TNXB: variants seen among roughly 807,000 people sequenced by gnomAD.
TNXB encodes tenascin-X.
In TNXB, 183 loss-of-function variants were observed where a neutral mutation model predicts 340.5. That is an observed-to-expected ratio of 0.54 (90% CI 0.48 to 0.61). The LOEUF (loss-of-function observed/expected upper bound fraction) is 0.61, where lower values mean the gene tolerates loss of function less well. TNXB is among the 20% of genes least tolerant of loss of function. TNXB has a pLI of 0.00. For synonymous variants in TNXB, 2,121 were observed against 2,314.5 expected (o/e 0.92, Z 2.40); for missense variants, 4,613 against 5,446.4 (o/e 0.85, Z 4.82).
At chr6:32,056,254 T>C (rs1403489781) in intron 23 of TNXB, 80 bp from the exon 24 acceptor site, 4 of 1,486,156 alleles carry the variant, frequency 2.7e-6, no homozygotes, top group East Asian at 2.3e-5. Flanking sequence ...GGAGAAACCA[T>C]GGCCACTACT....
In TNXB at chr6:32,050,030, C is replaced by T. The variant is rs773333813; in HGVS notation, c.9407G>A (p.Arg3136His). 2.6e-5 allele frequency: 42 copies of T among 1,613,840 alleles called. No homozygotes were observed. The highest frequency in any genetic ancestry group is 4.5e-5 in the East Asian group (2 of 44,884). ...CCCAATGGCAGACACAGGGCCTACG[C>T]GCTGGCCACCGTGGAAGCCGTACAG... ...MNLYGFHGGQ[R>H]VGPVSAIGVT... Residue 3136 changes from arginine to histidine, a missense_variant, in exon 27 of 44, where the codon CGC (arginine) becomes CAC (histidine). Arg to His is a conservative substitution (Grantham distance 29). Around this residue, in one of 7 missense-constraint regions of TNXB, gnomAD observed 4,327 missense variants for 4,859.4 expected, o/e 0.89. Transcript: ENST00000644971.
rs2151923227 is a variant in TNXB, at chr6:32,075,556, C to T, written c.4376-1604G>A. ...AGGCCCTTGCTGTCTCCCTACTAGG[C>T]TCTGCTTTTCCCCACCACTCATCAC... On this transcript the variant is annotated intron_variant, in intron 11 of 43. Coordinates refer to ENST00000644971, the MANE Select transcript of TNXB (RefSeq NM_001365276.2). This position sits in a 1 kb window ranked among gnomAD's most constrained non-coding sequence, Gnocchi z 4.6. Among the ~76,000 whole-genome samples the T allele has an allele frequency of 6.6e-6, 1 of 152,342 alleles. No homozygotes were observed. The highest frequency in any genetic ancestry group is 2.1e-4 in the South Asian group (1 of 4,830).
chr6:32,056,463 C>A (rs1312927075), intron 23 of TNXB, 123 bp downstream of exon 23: 46 of 1,477,800 alleles, frequency 3.1e-5, no homozygotes, highest in Non-Finnish European at 3.7e-5. Flanking sequence ...AAGGGGAGCC[C>A]CAGCCACAAG....
chr6:32,079,171 G>A lies in TNXB; in HGVS notation c.4237C>T (p.Pro1413Ser). ...TTGCCCCCAACACGCACCGCCCGGG[G>A]CCGCCCATCCCTGTCCTTGTACTGC... ...TVQYKDRDGR[P>S]RAVRVGGKES... The change falls in exon 11 of 44, where the codon CCC (proline) becomes TCC (serine). Residue 1413 changes from proline to serine, a missense_variant. Pro to Ser is a moderately conservative substitution (Grantham distance 74). This residue lies in a region of TNXB where 4,327 missense variants were observed against 4,859.4 expected (regional missense o/e 0.89). Coordinates refer to ENST00000644971, the MANE Select transcript of TNXB (RefSeq NM_001365276.2). The surrounding 1 kb of genome is among the most constrained non-coding windows in gnomAD (Gnocchi z 7.1). The A allele has an allele frequency of 6.2e-7, 1 of 1,613,842 alleles. No homozygotes were observed. The highest frequency in any genetic ancestry group is 8.5e-7 in the Non-Finnish European group (1 of 1,179,876).
In TNXB at chr6:32,075,720, A is replaced by G. The variant is rs1779045806; in HGVS notation, c.4376-1768T>C. Among the ~76,000 whole-genome samples, 1 of 152,196 alleles carries G rather than the reference A, an allele frequency of 6.6e-6. No individual in the cohort carries two copies. Among genetic ancestry groups the G allele is most frequent in the African/African-American group, 2.4e-5 (1 of 41,436 alleles). On this transcript the variant is annotated intron_variant, in intron 11 of 43. Transcript: ENST00000644971. This position sits in a 1 kb window ranked among gnomAD's most constrained non-coding sequence, Gnocchi z 4.6. ...CTGGCACACAGTAGGTGCTCCACAG[A>G]TGTCTGTAAAATAATGAGTGGTCTA...
At position 32,089,080 on chromosome 6, in the gene TNXB, G is replaced by T. The variant is rs763523318; in HGVS notation, c.2516-32C>A. ...AGGTTAAAGAGGAGGACTCAGGTGG[G>T]TGTCTGGTTCTTCAATCATCATCTT... On this transcript the variant is annotated intron_variant, in intron 5 of 43. Coordinates refer to ENST00000644971, the MANE Select transcript of TNXB (RefSeq NM_001365276.2). The surrounding 1 kb of genome is among the most constrained non-coding windows in gnomAD (Gnocchi z 6.2). 24 of 1,598,926 alleles carry T rather than the reference G, an allele frequency of 1.5e-5. No homozygotes were observed. The highest frequency in any genetic ancestry group is 2.0e-5 in the Non-Finnish European group (24 of 1,171,204).
chr6:32,081,418 C>A lies in TNXB; in HGVS notation c.3992G>T (p.Gly1331Val). The A allele has an allele frequency of 6.4e-7, 1 of 1,557,030 alleles. No individual in the cohort carries two copies. The change falls in exon 10 of 44, where the codon GGG becomes GTG. Residue 1331 changes from glycine to valine, a missense_variant. Gly to Val is a moderately radical substitution (Grantham distance 109, BLOSUM62 -3). Transcript: ENST00000644971. This position sits in a 1 kb window ranked among gnomAD's most constrained non-coding sequence, Gnocchi z 5.1. ...CCCCACACGCTGCCTGCCACGAAGC[C>A]CGTAGAGGTTCATCTTATACTTCCG... ...PDRKYKMNLY[G>V]LRGRQRVGPE...
At chr6:32,088,456 A>G (rs1301409061) in intron 6 of TNXB, among the ~76,000 whole-genome samples, 3 of 152,214 alleles carry the variant, frequency 2.0e-5, no homozygotes, top group Non-Finnish European at 4.4e-5. Flanking sequence ...AAGATCTATC[A>G]GCACAAGGCC....
chr6:32,049,216 C>T lies in TNXB; in HGVS notation c.9757+54G>A. On this transcript the variant is annotated intron_variant, in intron 28 of 43. Coordinates refer to ENST00000644971, the MANE Select transcript of TNXB (RefSeq NM_001365276.2). This position sits in a 1 kb window ranked among gnomAD's most constrained non-coding sequence, Gnocchi z 4.5. ...GAGGTGCCAAGATCCAAAGGAGAAA[C>T]ACAAGGGGGCTGCAGAGGTAAACCT... is the stretch of plus-strand genomic sequence containing the variant. The T allele has an allele frequency of 1.3e-6, 2 of 1,558,074 alleles. No homozygotes were observed. Among genetic ancestry groups the T allele is most frequent in the South Asian group, 2.4e-5 (2 of 85,000 alleles).
chr6:32,108,316 C>T lies in TNXB; in HGVS notation c.-9+865G>A, dbSNP rs1237139992. Among the ~76,000 whole-genome samples the T allele has an allele frequency of 3.3e-5, 5 of 152,152 alleles. No individual in the cohort carries two copies. The highest frequency in any genetic ancestry group is 2.0e-4 in the Admixed American group (3 of 15,280). ...TTCTTTCCAGGCGAGATAAGGGGCC[C>T]GCCCTTCCCACCCGGGGCGTGTCAC... On this transcript the variant is annotated intron_variant, in intron 1 of 43. Coordinates refer to ENST00000644971, the MANE Select transcript of TNXB (RefSeq NM_001365276.2). This position sits in a 1 kb window ranked among gnomAD's most constrained non-coding sequence, Gnocchi z 4.8.
chr6:32,067,227 G>C lies in TNXB; in HGVS notation c.6544+434C>G, dbSNP rs1350898540. Reference sequence around the variant, plus strand: ...TAGTGGAGGAAGTGGGTGGGGCAGAGATGAGCCAGACTGGCCAGAAGTCGA... The same window carrying C: ...TAGTGGAGGAAGTGGGTGGGGCAGACATGAGCCAGACTGGCCAGAAGTCGA... On this transcript the variant is annotated intron_variant, in intron 18 of 43. Transcript: ENST00000644971. The surrounding 1 kb of genome is among the most constrained non-coding windows in gnomAD (Gnocchi z 4.2). 6.6e-6 allele frequency among the ~76,000 whole-genome samples: 1 copy of C among 152,144 alleles called. No homozygotes were observed. The highest frequency in any genetic ancestry group is 2.4e-5 in the African/African-American group (1 of 41,436).
chr6:32,048,083 A>G (rs1299649139), intron 29 of TNXB, 71 bp from the exon 30 acceptor site: 2 of 1,533,172 alleles, frequency 1.3e-6, no homozygotes, highest in African/African-American at 2.7e-5. Context: ...CTGGGCTGCT[A>G]TGGCTCTGTG....
At chr6:32,050,573 T>C (rs1176511107) in intron 26 of TNXB, among the ~76,000 whole-genome samples, 1 of 146,670 alleles carries the variant, frequency 6.8e-6, no homozygotes, top group Non-Finnish European at 1.5e-5. Context: ...ACCGCCTCTC[T>C]TTTGAGCACA....
rs185461070 is a variant in TNXB at position 32,089,353 on chromosome 6, T to C, written c.2385A>G (p.Thr795=). The change falls in exon 5 of 44, where the codon ACA becomes ACG. Residue 795 remains threonine (T), a synonymous_variant. Coordinates refer to ENST00000644971, the MANE Select transcript of TNXB (RefSeq NM_001365276.2). The surrounding 1 kb of genome is among the most constrained non-coding windows in gnomAD (Gnocchi z 6.2). ...CTGAGGCAGAGCTTGGAACCCGTGC[T>C]GTGAATGGGGGGCTCGCCCCCTCTG... is the stretch of plus-strand genomic sequence containing the variant. The part of the protein sequence containing the change: ...PTTEGASPPF[T]ARVPSSASAY... 889 of 1,608,150 alleles carry C rather than the reference T, an allele frequency of 5.5e-4. 5 individuals are homozygous for C. In the African/African-American group the frequency reaches 9.6e-3, roughly 17 times the overall value.
rs557517383 is a variant in TNXB at position 32,068,866 on chromosome 6, C to T, written c.5858G>A (p.Ser1953Asn). 2 of 1,612,080 alleles carry T rather than the reference C, an allele frequency of 1.2e-6. No individual in the cohort carries two copies. The highest frequency in any genetic ancestry group is 1.7e-6 in the Non-Finnish European group (2 of 1,179,142). ...GACAGGACCTACATGCTTCCCATCA[C>T]TGAAACCATACAGGGTCACCAGGTA... ...HRYLVTLYGFSDGKHVGPVHV... is the reference protein window; with the variant it reads ...HRYLVTLYGFNDGKHVGPVHV... Residue 1953 changes from serine (S) to asparagine (N), a missense_variant, in exon 16 of 44, where the codon AGT (serine) becomes AAT (asparagine). Physicochemically the swap from Ser to Asn is conservative, Grantham distance 46 (BLOSUM62 1). This residue lies in a region of TNXB where 4,327 missense variants were observed against 4,859.4 expected (regional missense o/e 0.89). Transcript: ENST00000644971. This position sits in a 1 kb window ranked among gnomAD's most constrained non-coding sequence, Gnocchi z 5.3.
At chr6:32,098,973 T>G (rs1267668648) in intron 1 of TNXB, among the ~76,000 whole-genome samples, 1 of 152,234 alleles carries the variant, frequency 6.6e-6, no homozygotes, top group Non-Finnish European at 1.5e-5. Flanking sequence ...CTGTTCTTCA[T>G]GGCATTTACT....
At position 32,096,959 on chromosome 6, in the gene TNXB, G is replaced by A. The variant is rs1780435511; in HGVS notation, c.894C>T (p.Asn298=). Reference sequence around the variant, plus strand: ...CACAGTCCTCGCCAGTGTAGCCGGGGTTACACACGCAGCGCCCATTCTCAC... The same window carrying A: ...CACAGTCCTCGCCAGTGTAGCCGGGATTACACACGCAGCGCCCATTCTCAC... ...GRCENGRCVC[N]PGYTGEDCGV... Residue 298 remains asparagine (N), a synonymous_variant, in exon 3 of 44, where the codon AAC becomes AAT. Coordinates refer to ENST00000644971, the MANE Select transcript of TNXB (RefSeq NM_001365276.2). The A allele has an allele frequency of 1.3e-6, 2 of 1,592,884 alleles. No homozygotes were observed. Among genetic ancestry groups the A allele is most frequent in the Non-Finnish European group, 1.7e-6 (2 of 1,163,350 alleles).
chr6:32,046,256 G>C lies in TNXB; in HGVS notation c.10525C>G (p.Pro3509Ala). 1 of 1,605,436 alleles carries C rather than the reference G, an allele frequency of 6.2e-7. No homozygotes were observed. Among genetic ancestry groups the C allele is most frequent in the Non-Finnish European group, 8.5e-7 (1 of 1,177,616 alleles). The change falls in exon 31 of 44, where the codon CCT becomes GCT. Residue 3509 changes from proline to alanine, a missense_variant. Physicochemically the swap from Pro to Ala is conservative, Grantham distance 27. Coordinates refer to ENST00000644971, the MANE Select transcript of TNXB (RefSeq NM_001365276.2). This position sits in a 1 kb window ranked among gnomAD's most constrained non-coding sequence, Gnocchi z 6.9. Reference protein sequence around the residue: ...QRTVTVEDLEPGKKYKFLLYG... With the variant: ...QRTVTVEDLEAGKKYKFLLYG... The stretch of plus-strand genomic sequence containing the variant: ...AGCAGAAACTTGTATTTCTTGCCAG[G>C]CTCCAGGTCCTCTACGGTGACTGTG...
intron 1 of TNXB, among the ~76,000 whole-genome samples, chr6:32,102,174 G>C (rs1780751501): frequency 6.6e-6 from 1 of 152,206 alleles, no homozygotes; most frequent in South Asian, 2.1e-4. Context: ...ATGTGAAGCA[G>C]CTGGAATTGT....
Sources: gnomAD v4.1 joint callset for allele counts (sites outside exome capture counted in the v4.1 genomes callset) on GRCh38, gnomAD v4.1.1 for gene constraint, gnomAD v4.1.1 regional missense constraint, Gnocchi (gnomAD v3.1) non-coding constraint, MANE v1.5 for transcripts, NCBI Gene and HGNC (gene_info 2026-07-23, HGNC 2026-07-21) for gene names.